AJAP1: variants seen among roughly 807,000 people sequenced by gnomAD.
AJAP1 encodes adherens junctions associated protein 1, also known as adherens junction-associated protein 1.
Under a neutral mutation model 35.0 loss-of-function variants are expected in AJAP1, and 5 were observed. The ratio of observed to expected loss-of-function variants is 0.14; its 90% CI spans 0.07 to 0.30. The LOEUF (loss-of-function observed/expected upper bound fraction) is 0.30, where lower values mean the gene tolerates loss of function less well. Among genes scored for constraint, AJAP1 ranks in the 10% least tolerant of loss-of-function variants. The pLI, the probability that AJAP1 is intolerant of heterozygous loss-of-function variation, is 1.00. For missense variants in AJAP1, 586 were observed against 571.0 expected, an observed-to-expected ratio of 1.03 and a Z score of -0.27; for synonymous variants, 284 against 249.3, an observed-to-expected ratio of 1.14 and a Z score of -1.31.
chr1:4,771,745 G>A (rs556866080), intron 3 of AJAP1, among the ~76,000 whole-genome samples: 5 of 152,128 alleles, frequency 3.3e-5, no homozygotes, highest in South Asian at 2.1e-4. Context: ...AAGCCAGCTC[G>A]TCATTTCCAG....
intron 1 of AJAP1, among the ~76,000 whole-genome samples, chr1:4,686,980 C>T (rs1229843503): frequency 6.6e-6 from 1 of 152,198 alleles, no homozygotes; most frequent in African/African-American, 2.4e-5. Flanking sequence ...CCACTTCCTG[C>T]CCAAGTTGAC....
At chr1:4,726,856 G>A (rs1640674135) in intron 2 of AJAP1, among the ~76,000 whole-genome samples, 1 of 152,210 alleles carries the variant, frequency 6.6e-6, no homozygotes, top group African/African-American at 2.4e-5. Context: ...GGCTGCCTTC[G>A]TGTCTGATGA....
chr1:4,760,340 TGTGTGTGTGTATGA>T (rs930551015), intron 2 of AJAP1, among the ~76,000 whole-genome samples: 2 of 148,984 alleles, frequency 1.3e-5, no homozygotes, highest in Non-Finnish European at 1.5e-5. Flanking sequence ...TGTGTGAGTC[TGTGTGTGTGTATGA>T]GTGTGTGTGC....
In AJAP1 at chr1:4,792,167, C is replaced by G. The variant is rs1206690527; in HGVS notation, c.*9682C>G. On this transcript the variant is annotated 3_prime_UTR_variant, in exon 6 of 6. Coordinates refer to ENST00000378191, the MANE Select transcript of AJAP1 (RefSeq NM_018836.4). The stretch of plus-strand genomic sequence containing the variant: ...TTTCAAAAGGAAAACAAAAGCCTCT[C>G]TGTTTTCATGTTCTCCGTATATCTA... The G allele has an allele frequency of 6.6e-6, 1 of 152,152 alleles. No homozygotes were observed. The highest frequency in any genetic ancestry group is 2.4e-5 in the African/African-American group (1 of 41,444). The allele number at this position is 152,152 out of a possible 1,614,324, so 9.4% of individuals were successfully genotyped here.
chr1:4,719,845 G>T (rs1001409059), intron 2 of AJAP1, among the ~76,000 whole-genome samples: 1 of 152,190 alleles, frequency 6.6e-6, no homozygotes, highest in African/African-American at 2.4e-5. Flanking sequence ...CTCCCTGCCG[G>T]TGTCCACAGT....
chr1:4,767,267 A>C (rs1016032990), intron 2 of AJAP1, among the ~76,000 whole-genome samples: 1 of 150,676 alleles, frequency 6.6e-6, no homozygotes, highest in Non-Finnish European at 1.5e-5. Context: ...CACTATCATC[A>C]ACATCAGTAT....
intron 1 of AJAP1, among the ~76,000 whole-genome samples, chr1:4,699,443 A>G (rs1023797720): frequency 6.6e-6 from 1 of 152,188 alleles, no homozygotes; most frequent in African/African-American, 2.4e-5. Flanking sequence ...ACCAAAATAG[A>G]TATTTCCTAT....
intron 5 of AJAP1, among the ~76,000 whole-genome samples, chr1:4,780,131 C>CAAA (rs545412869): frequency 2.2e-5 from 2 of 92,196 alleles, no homozygotes; most frequent in South Asian, 3.9e-4. Context: ...GTGACAGTCT[C>CAAA]AAAAAAAAAA....
chr1:4,776,279 G>A (rs1040178721), intron 5 of AJAP1, among the ~76,000 whole-genome samples: 1 of 152,122 alleles, frequency 6.6e-6, no homozygotes, highest in Admixed American at 6.5e-5. Flanking sequence ...CAGCTCCCTA[G>A]GGGAGAGGGG....
At chr1:4,775,746 G>A (rs984295750) in intron 5 of AJAP1, among the ~76,000 whole-genome samples, 5 of 152,200 alleles carry the variant, frequency 3.3e-5, no homozygotes, top group African/African-American at 1.2e-4. Context: ...TAGAATATGG[G>A]AACCGAGCTG....
At chr1:4,719,341 G>C (rs1052555784) in intron 2 of AJAP1, among the ~76,000 whole-genome samples, 2 of 152,164 alleles carry the variant, frequency 1.3e-5, no homozygotes, top group Non-Finnish European at 2.9e-5. Flanking sequence ...AAAAATTCCA[G>C]TTGGGAAATC....
Position 4,667,162 on chromosome 1 carries a change from G to A in AJAP1, c.29+11708G>A, listed in dbSNP as rs936328590. Among the ~76,000 whole-genome samples the A allele has an allele frequency of 2.6e-5, 4 of 152,232 alleles. No individual in the cohort carries two copies. The East Asian group carries it at 7.7e-4, about 29-fold the overall frequency. On this transcript the variant is annotated intron_variant, in intron 1 of 5. Coordinates refer to ENST00000378191, the MANE Select transcript of AJAP1 (RefSeq NM_018836.4). ...AGTCCCAGAGGACTCCCCAGGCGGG[G>A]AAGACAACTGGCCTGGCCCCAGGAA...
chr1:4,753,908 A>G (rs1031740753), intron 2 of AJAP1, among the ~76,000 whole-genome samples: 2 of 152,164 alleles, frequency 1.3e-5, no homozygotes, highest in Non-Finnish European at 2.9e-5. Context: ...GATAACTCCA[A>G]TACTTACTTA....
intron 1 of AJAP1, among the ~76,000 whole-genome samples, chr1:4,663,336 GGAAAGCACCTCCA>G (rs59174221): frequency 0.47 from 70,335 of 150,996 alleles, 16,807 homozygotes; most frequent in African/African-American, 0.57. Flanking sequence ...GGCAGACTGT[GGAAAGCACCTCCA>G]GAAAGCACGG....
intron 1 of AJAP1, among the ~76,000 whole-genome samples, chr1:4,702,183 G>C (rs553679165): frequency 1.3e-5 from 2 of 151,754 alleles, no homozygotes; most frequent in Non-Finnish European, 2.9e-5. Flanking sequence ...ATATTCCAGC[G>C]TGTCCCCAGT....
chr1:4,671,695 G>A (rs1458295533), intron 1 of AJAP1, among the ~76,000 whole-genome samples: 12 of 152,160 alleles, frequency 7.9e-5, no homozygotes, highest in Admixed American at 2.6e-4. Context: ...ACCTGTTGAC[G>A]TGGAAACCTT....
chr1:4,666,621 T>G (rs77947372), intron 1 of AJAP1, among the ~76,000 whole-genome samples: 6 of 30,746 alleles, frequency 2.0e-4, no homozygotes, highest in Middle Eastern at 0.024. Context: ...TGCGGAGAGG[T>G]GCCTGTGAAT....
At chr1:4,669,238 C>T (rs1354176954) in intron 1 of AJAP1, among the ~76,000 whole-genome samples, 1 of 152,170 alleles carries the variant, frequency 6.6e-6, no homozygotes, top group Non-Finnish European at 1.5e-5. Flanking sequence ...AAACCACTTA[C>T]CTACTTCCTG....
intron 2 of AJAP1, among the ~76,000 whole-genome samples, chr1:4,738,924 A>G (rs1640993929): frequency 6.6e-6 from 1 of 152,106 alleles, no homozygotes; most frequent in Non-Finnish European, 1.5e-5. Context: ...GCAGCAGGGC[A>G]AGGTGACCAC....
Sources: gnomAD v4.1 joint callset for allele counts (sites outside exome capture counted in the v4.1 genomes callset) on GRCh38, gnomAD v4.1.1 for gene constraint, MANE v1.5 for transcripts, NCBI Gene and HGNC (gene_info 2026-07-23, HGNC 2026-07-21) for gene names.